Variants in TAFA1 observed in about 807,000 individuals in gnomAD.
TAFA1 encodes the protein chemokine-like protein TAFA-1.
TAFA1 carries 4 observed loss-of-function variants against 18.5 expected under a neutral mutation model. That is an observed-to-expected ratio of 0.22 (90% CI 0.11 to 0.49). TAFA1 has a LOEUF of 0.49. TAFA1 is among the 20% of genes least tolerant of loss of function. The pLI is 0.98. For missense variants in TAFA1, 147 were observed against 169.0 expected, an observed-to-expected ratio of 0.87 and a Z score of 0.72; for synonymous variants, 56 against 55.2, an observed-to-expected ratio of 1.01 and a Z score of -0.06.
intron 2 of TAFA1, among the ~76,000 whole-genome samples, chr3:68,260,448 C>T (rs1391350045): frequency 6.6e-6 from 1 of 152,070 alleles, no homozygotes; most frequent in East Asian, 1.9e-4. Context: ...TGATGCTGGC[C>T]TCATAAAATG....
intron 2 of TAFA1, among the ~76,000 whole-genome samples, chr3:68,082,539 C>A (rs1474122898): frequency 6.6e-6 from 1 of 152,202 alleles, no homozygotes; most frequent in South Asian, 2.1e-4. Flanking sequence ...AGTCTTGTTT[C>A]CACAACTGTA....
At chr3:68,536,382 T>C (rs1297831666) in intron 3 of TAFA1, among the ~76,000 whole-genome samples, 2 of 152,208 alleles carry the variant, frequency 1.3e-5, no homozygotes, top group Non-Finnish European at 2.9e-5. Flanking sequence ...TTATCATATG[T>C]CATTTGGCTT....
intron 2 of TAFA1, among the ~76,000 whole-genome samples, chr3:68,017,606 T>C (rs1435398709): frequency 6.6e-6 from 1 of 152,188 alleles, no homozygotes; most frequent in Non-Finnish European, 1.5e-5. Flanking sequence ...ATGTGTGCCA[T>C]GAAGTTTTTT....
At chr3:68,481,294 A>G (rs572501470) in intron 3 of TAFA1, among the ~76,000 whole-genome samples, 4 of 152,354 alleles carry the variant, frequency 2.6e-5, no homozygotes, top group Admixed American at 1.3e-4. Flanking sequence ...CAGGGAGATC[A>G]TCTGAGACCT....
intron 2 of TAFA1, among the ~76,000 whole-genome samples, chr3:68,072,847 A>T (rs969219729): frequency 6.6e-6 from 1 of 152,200 alleles, no homozygotes; most frequent in Non-Finnish European, 1.5e-5. Context: ...GAAACACGTG[A>T]TCTAGTAGAA....
At chr3:68,347,915 A>C (rs1419976286) in intron 2 of TAFA1, among the ~76,000 whole-genome samples, 1 of 151,964 alleles carries the variant, frequency 6.6e-6, no homozygotes, top group African/African-American at 2.4e-5. Flanking sequence ...ATCTCTCTCC[A>C]TTTGAAATTC....
At chr3:68,412,876 C>A (rs2070742418) in intron 2 of TAFA1, among the ~76,000 whole-genome samples, 1 of 151,980 alleles carries the variant, frequency 6.6e-6, no homozygotes, top group South Asian at 2.1e-4. Context: ...ATTTATAGTC[C>A]TTTGGGTATA....
At chr3:68,396,862 T>C (rs1013492057) in intron 2 of TAFA1, among the ~76,000 whole-genome samples, 26 of 152,216 alleles carry the variant, frequency 1.7e-4, no homozygotes, top group African/African-American at 6.0e-4. Context: ...CAGTGTCCTC[T>C]GAATAGAATA....
At position 68,274,400 on chromosome 3, in the gene TAFA1, G is replaced by A. The variant is rs1268261657; in HGVS notation, c.119-142880G>A. On this transcript the variant is annotated intron_variant, in intron 2 of 4. Coordinates refer to ENST00000478136, the MANE Select transcript of TAFA1 (RefSeq NM_213609.4). ...AGAAAAATGGTAAATTAATAGAAAA[G>A]CAAAACAGTGTGGGATGCCAATACA... Among the ~76,000 whole-genome samples, 4 of 152,152 alleles carry A rather than the reference G, an allele frequency of 2.6e-5. No individual in the cohort carries two copies. The East Asian group carries it at 7.7e-4, about 29-fold the overall frequency.
chr3:68,131,192 A>G (rs180987109), intron 2 of TAFA1, among the ~76,000 whole-genome samples: 1 of 152,326 alleles, frequency 6.6e-6, no homozygotes, highest in Admixed American at 6.5e-5. Context: ...AACCATAGCT[A>G]GTAATGGCTA....
intron 2 of TAFA1, among the ~76,000 whole-genome samples, chr3:68,011,797 T>A (rs368358810): frequency 2.6e-5 from 4 of 152,202 alleles, no homozygotes; most frequent in Non-Finnish European, 5.9e-5. Context: ...ATCTGATTGA[T>A]CCTATTGACC....
chr3:68,115,532 T>C (rs1270863444), intron 2 of TAFA1, among the ~76,000 whole-genome samples: 3 of 152,218 alleles, frequency 2.0e-5, no homozygotes, highest in Non-Finnish European at 4.4e-5. Flanking sequence ...GAAATGACTA[T>C]TCTCACAGTC....
intron 2 of TAFA1, among the ~76,000 whole-genome samples, chr3:68,368,157 A>AT (rs778055745): frequency 1.2e-4 from 19 of 152,138 alleles, no homozygotes; most frequent in Admixed American, 2.6e-4. Context: ...AAACCTCAGG[A>AT]TTTTTTTGTC....
intron 2 of TAFA1, among the ~76,000 whole-genome samples, chr3:68,171,470 C>T (rs551701397): frequency 1.1e-4 from 16 of 152,152 alleles, no homozygotes; most frequent in East Asian, 5.8e-4. Flanking sequence ...ATTTGTTTCA[C>T]AGCAATAGAA....
chr3:68,225,764 T>G (rs1307415014), intron 2 of TAFA1, among the ~76,000 whole-genome samples: 2 of 152,180 alleles, frequency 1.3e-5, no homozygotes, highest in Non-Finnish European at 2.9e-5. Flanking sequence ...TTCTTTGTCT[T>G]TATTCTTACT....
intron 2 of TAFA1, among the ~76,000 whole-genome samples, chr3:68,276,566 G>A (rs1029343506): frequency 6.6e-6 from 1 of 152,152 alleles, no homozygotes; most frequent in African/African-American, 2.4e-5. Context: ...TTGAAATACT[G>A]TGTATCGTAC....
intron 2 of TAFA1, among the ~76,000 whole-genome samples, chr3:68,193,069 G>A (rs781736132): frequency 9.9e-5 from 15 of 151,548 alleles, no homozygotes; most frequent in African/African-American, 3.4e-4. Context: ...ATCCTAAGAC[G>A]ATGAAAAAAA....
chr3:68,151,746 C>G (rs184378256), intron 2 of TAFA1, among the ~76,000 whole-genome samples: 69 of 152,278 alleles, frequency 4.5e-4, no homozygotes, highest in Admixed American at 4.5e-3. Context: ...CCATAATCAA[C>G]ACCGTTGCAT....
chr3:68,335,375 C>T (rs977706536), intron 2 of TAFA1, among the ~76,000 whole-genome samples: 2 of 152,190 alleles, frequency 1.3e-5, no homozygotes, highest in Non-Finnish European at 2.9e-5. Context: ...TTCTATGGTA[C>T]CACTGCCCAT....
Sources: allele counts gnomAD v4.1 joint callset (sites outside exome capture counted in the v4.1 genomes callset), GRCh38; gene constraint gnomAD v4.1.1; transcripts MANE v1.5; gene names NCBI Gene and HGNC (gene_info 2026-07-23, HGNC 2026-07-21).